The following CDK14 variants were observed in gnomAD, a reference collection of about 807,000 sequenced individuals.
The protein encoded by CDK14 is cyclin dependent kinase 14.
In CDK14, 34 loss-of-function variants were observed where a neutral mutation model predicts 60.7. That is an observed-to-expected ratio of 0.56 (90% CI 0.43 to 0.75). The LOEUF (loss-of-function observed/expected upper bound fraction) is 0.75, where lower values mean the gene tolerates loss of function less well. CDK14 is among the 30% of genes least tolerant of loss of function. The pLI is 0.00. For missense variants in CDK14, 482 were observed against 564.1 expected (o/e 0.85, Z 1.47); for synonymous variants, 197 against 203.7 (o/e 0.97, Z 0.28).
intron 11 of CDK14, among the ~76,000 whole-genome samples, chr7:91,051,336 C>G (rs917955488): frequency 2.6e-5 from 4 of 152,186 alleles, no homozygotes; most frequent in African/African-American, 9.7e-5. Flanking sequence ...AGAGTCTAAC[C>G]TTGGAAGCTG....
intron 5 of CDK14, among the ~76,000 whole-genome samples, chr7:90,823,733 TC>T (rs1303626589): frequency 2.0e-5 from 3 of 152,184 alleles, no homozygotes; most frequent in African/African-American, 7.2e-5. Context: ...ACATGCCCTC[TC>T]CCTGTGCCAA....
chr7:90,607,814 A>G (rs1254239541), intron 2 of CDK14, among the ~76,000 whole-genome samples: 2 of 152,206 alleles, frequency 1.3e-5, no homozygotes, highest in African/African-American at 2.4e-5. Flanking sequence ...CCTGACTACA[A>G]TATTAGCCAT....
intron 5 of CDK14, among the ~76,000 whole-genome samples, chr7:90,844,857 A>G (rs1260957023): frequency 6.6e-6 from 1 of 152,154 alleles, no homozygotes; most frequent in Non-Finnish European, 1.5e-5. Flanking sequence ...TCCGGAGGAA[A>G]GGTGAGGCTT....
intron 10 of CDK14, among the ~76,000 whole-genome samples, chr7:90,990,435 A>G (rs1364925396): frequency 6.6e-6 from 1 of 152,210 alleles, no homozygotes; most frequent in Non-Finnish European, 1.5e-5. Context: ...GGGACAATAG[A>G]TTATAATACT....
At chr7:91,032,318 C>G (rs370797210) in intron 10 of CDK14, among the ~76,000 whole-genome samples, 4 of 152,096 alleles carry the variant, frequency 2.6e-5, no homozygotes, top group East Asian at 1.9e-4. Flanking sequence ...TGTTGAGTAT[C>G]ATTTACAAAT....
chr7:90,820,174 C>T (rs1562785848), intron 5 of CDK14, among the ~76,000 whole-genome samples: 2 of 152,132 alleles, frequency 1.3e-5, no homozygotes, highest in Non-Finnish European at 2.9e-5. Flanking sequence ...CAGCACTTAA[C>T]TGGGCATCCT....
At position 90,915,478 on chromosome 7, in the gene CDK14, A is replaced by G. The variant is rs1469432910; in HGVS notation, c.703-2123A>G. ...GCAAGGTTTCTTGGAGCCGGGGAAT[A>G]TAGAGTAACAATGCCTGAGCCTGCA... On this transcript the variant is annotated intron_variant, in intron 7 of 14. Transcript: ENST00000380050. Among the ~76,000 whole-genome samples the G allele has an allele frequency of 6.6e-5, 10 of 152,174 alleles. 1 individual carries two copies. The South Asian group carries it at 8.3e-4, about 13-fold the overall frequency.
At chr7:90,944,903 A>C (rs542667403) in intron 8 of CDK14, among the ~76,000 whole-genome samples, 1 of 152,326 alleles carries the variant, frequency 6.6e-6, no homozygotes, top group African/African-American at 2.4e-5. Context: ...CAGGAAGGGG[A>C]GGGCAAGTCA....
Position 91,208,086 on chromosome 7 carries a change from A to G in CDK14, c.*950A>G, listed in dbSNP as rs1295867291. ...CAGTCTTGGCCTGTTAGGGCTTACAAAGTAAATTACAAAGTGATCCAGTTC... is the reference window on the plus strand; with the variant it reads ...CAGTCTTGGCCTGTTAGGGCTTACAGAGTAAATTACAAAGTGATCCAGTTC... On this transcript the variant is annotated 3_prime_UTR_variant, in exon 15 of 15. Coordinates refer to ENST00000380050, the MANE Select transcript of CDK14 (RefSeq NM_001287135.2). 2.6e-5 allele frequency: 4 copies of G among 152,656 alleles called. No individual in the cohort carries two copies. The highest frequency in any genetic ancestry group is 5.9e-5 in the Non-Finnish European group (4 of 68,044). 9.5% of individuals were successfully genotyped at this position (152,656 alleles called of 1,614,324 possible).
intron 5 of CDK14, among the ~76,000 whole-genome samples, chr7:90,852,812 A>G (rs1330177613): frequency 6.6e-6 from 1 of 152,190 alleles, no homozygotes; most frequent in Non-Finnish European, 1.5e-5. Context: ...ACTGCTGAGT[A>G]GAGTCAGCCT....
At chr7:90,610,795 G>T (rs1181933035) in intron 2 of CDK14, among the ~76,000 whole-genome samples, 1 of 152,172 alleles carries the variant, frequency 6.6e-6, no homozygotes, top group Non-Finnish European at 1.5e-5. Flanking sequence ...CCCTACTTCA[G>T]TATGACCTCT....
chr7:91,128,538 G>A (rs1800018203), intron 14 of CDK14, among the ~76,000 whole-genome samples: 1 of 152,054 alleles, frequency 6.6e-6, no homozygotes, highest in Non-Finnish European at 1.5e-5. Flanking sequence ...AACCCAATTT[G>A]TTAATAACTG....
chr7:91,119,037 A>G (rs749333410), intron 14 of CDK14, among the ~76,000 whole-genome samples: 96 of 151,078 alleles, frequency 6.4e-4, no homozygotes, highest in Non-Finnish European at 1.2e-3. Context: ...GTGTGTGTGT[A>G]TATATATATA....
intron 2 of CDK14, among the ~76,000 whole-genome samples, chr7:90,665,217 G>A (rs1027215444): frequency 1.3e-5 from 2 of 152,012 alleles, no homozygotes; most frequent in African/African-American, 4.8e-5. Context: ...CCCAGGAGGC[G>A]AAGGTTGCAG....
At chr7:90,771,257 G>T (rs1282306896) in intron 4 of CDK14, among the ~76,000 whole-genome samples, 1 of 152,116 alleles carries the variant, frequency 6.6e-6, no homozygotes, top group South Asian at 2.1e-4. Context: ...AACACTTCTT[G>T]CATGATTCAG....
chr7:90,801,288 A>G (rs761570626), intron 5 of CDK14, among the ~76,000 whole-genome samples: 7 of 152,228 alleles, frequency 4.6e-5, no homozygotes, highest in Non-Finnish European at 8.8e-5. Context: ...TTTGCATATA[A>G]TAGACAATGA....
At chr7:90,612,771 CAAAAAAA>C (rs531162992) in intron 2 of CDK14, among the ~76,000 whole-genome samples, 1 of 91,744 alleles carries the variant, frequency 1.1e-5, no homozygotes, top group Non-Finnish European at 2.1e-5. Context: ...GACTCTGTCT[CAAAAAAA>C]AAAAAAAAAA....
At chr7:91,166,200 A>T (rs1305088233) in intron 14 of CDK14, among the ~76,000 whole-genome samples, 1 of 152,224 alleles carries the variant, frequency 6.6e-6, no homozygotes, top group Non-Finnish European at 1.5e-5. Flanking sequence ...ATATTTTTTC[A>T]CTGAAGTCTA....
chr7:91,023,085 CAT>C (rs1796477867), intron 10 of CDK14, among the ~76,000 whole-genome samples: 2 of 151,718 alleles, frequency 1.3e-5, no homozygotes, highest in South Asian at 2.1e-4. Flanking sequence ...TTGTTGGGAA[CAT>C]GTGAAACTTG....
Sources: allele counts gnomAD v4.1 joint callset (sites outside exome capture counted in the v4.1 genomes callset), GRCh38; gene constraint gnomAD v4.1.1; transcripts MANE v1.5; gene names NCBI Gene and HGNC (gene_info 2026-07-23, HGNC 2026-07-21).